ZNF814: variants seen among roughly 807,000 people sequenced by gnomAD.
The protein encoded by ZNF814 is zinc finger protein 814.
In ZNF814, 5 loss-of-function variants were observed where a neutral mutation model predicts 7.5. That is an observed-to-expected ratio of 0.67 (90% CI 0.35 to 1.40). ZNF814 has a LOEUF of 1.40. Ranked by LOEUF, ZNF814 falls within the 40% of genes most tolerant of loss-of-function variation. The pLI is 0.04. For synonymous variants in ZNF814, 315 were observed against 340.7 expected (o/e 0.92, Z 0.83); for missense variants, 962 against 1,018.0 (o/e 0.94, Z 0.75).
chr19:57,880,562 G>A (rs77873062), intron 1 of ZNF814, among the ~76,000 whole-genome samples: 34,396 of 139,704 alleles, frequency 0.25, 2,329 homozygotes, highest in East Asian at 0.36. Context: ...GCAGGATGGC[G>A]GAATAGAAAG....
the ZNF814 span, among the ~76,000 whole-genome samples, chr19:57,896,357 C>T: frequency 6.6e-6 from 1 of 152,150 alleles, no homozygotes; most frequent in East Asian, 1.9e-4. The surrounding 1 kb of genome is among the most constrained non-coding windows in gnomAD (Gnocchi z 4.2). Context: ...ACTTCAGATT[C>T]TGAATGCGAG....
Position 57,888,954 on chromosome 19 carries a change from C to T in ZNF814, c.-152G>A. ...CTCTGTGCAGCGGAGGACAACTGCT[C>T]CCCGACTTCTGGGTTCAGTCACCAC... is the stretch of plus-strand genomic sequence containing the variant. On this transcript the variant is annotated 5_prime_UTR_variant, in exon 1 of 3. Coordinates refer to ENST00000435989, the MANE Select transcript of ZNF814 (RefSeq NM_001144989.2). 1 of 793,348 alleles carries T rather than the reference C, an allele frequency of 1.3e-6. No homozygotes were observed. Among genetic ancestry groups the T allele is most frequent in the Non-Finnish European group, 2.0e-6 (1 of 495,066 alleles). 49.1% of individuals were successfully genotyped at this position (793,348 alleles called of 1,614,324 possible).
chr19:57,897,201 G>A, the ZNF814 span, among the ~76,000 whole-genome samples: 1 of 152,158 alleles, frequency 6.6e-6, no homozygotes, highest in Non-Finnish European at 1.5e-5. Flanking sequence ...CTAATACAGA[G>A]TGTCAAAATG....
At chr19:57,898,520 C>A in the ZNF814 span, among the ~76,000 whole-genome samples, 1 of 152,244 alleles carries the variant, frequency 6.6e-6, no homozygotes, top group African/African-American at 2.4e-5. Flanking sequence ...ACTGCCAAAC[C>A]AGTTTGGGTG....
intron 1 of ZNF814, among the ~76,000 whole-genome samples, chr19:57,888,530 G>C (rs2071711972): frequency 6.6e-6 from 1 of 152,134 alleles, no homozygotes; most frequent in Admixed American, 6.5e-5. Flanking sequence ...GGCACCTGTG[G>C]ACCCCAGATT....
At chr19:57,893,228 C>A (rs1425737786), upstream of ZNF814, among the ~76,000 whole-genome samples, 1 of 144,214 alleles carries the variant, frequency 6.9e-6, no homozygotes, top group Non-Finnish European at 1.5e-5. Context: ...GGCTGGAGTG[C>A]AGTGGTGTGA....
the ZNF814 span, among the ~76,000 whole-genome samples, chr19:57,904,402 A>G: frequency 2.0e-5 from 3 of 151,980 alleles, no homozygotes; most frequent in Non-Finnish European, 2.9e-5. Flanking sequence ...GTCTTGTCTC[A>G]TTCCTTTGAC....
chr19:57,871,976 G>C lies in ZNF814; in HGVS notation c.*846C>G, dbSNP rs955154596. 1.3e-5 allele frequency among the ~76,000 whole-genome samples: 2 copies of C among 152,062 alleles called. No homozygotes were observed. Among genetic ancestry groups the C allele is most frequent in the Non-Finnish European group, 2.9e-5 (2 of 68,010 alleles). On this transcript the variant is annotated 3_prime_UTR_variant, in exon 3 of 3. Coordinates refer to ENST00000435989, the MANE Select transcript of ZNF814 (RefSeq NM_001144989.2). The stretch of plus-strand genomic sequence containing the variant: ...TTAAAAAAATTAGTGGAGCATGGTA[G>C]TGCATGCCTGTGGTTTCAGCTACTC...
intron 1 of ZNF814, among the ~76,000 whole-genome samples, chr19:57,884,489 C>G (rs114919501): frequency 6.6e-6 from 1 of 152,114 alleles, no homozygotes; most frequent in South Asian, 2.1e-4. Flanking sequence ...GTGGCACATG[C>G]CTGTGGTGGT....
At chr19:57,904,699 A>C in the ZNF814 span, among the ~76,000 whole-genome samples, 1 of 152,172 alleles carries the variant, frequency 6.6e-6, no homozygotes, top group Admixed American at 6.5e-5. Context: ...CTAAATCTTA[A>C]GAACTGTAAT....
Position 57,888,850 on chromosome 19 carries a change from A to T in ZNF814, c.-48T>A. 9 of 1,549,520 alleles carry T rather than the reference A, an allele frequency of 5.8e-6. No individual in the cohort carries two copies. Among genetic ancestry groups the T allele is most frequent in the Non-Finnish European group, 7.0e-6 (8 of 1,145,204 alleles). On this transcript the variant is annotated 5_prime_UTR_variant, in exon 1 of 3. Coordinates refer to ENST00000435989, the MANE Select transcript of ZNF814 (RefSeq NM_001144989.2). ...AGTCGGGAGGATAGGGCGACCAGCC[A>T]GGAGATATGGGCACGACGGTCCGTA...
At chr19:57,902,742 G>A in the ZNF814 span, among the ~76,000 whole-genome samples, 2 of 151,326 alleles carry the variant, frequency 1.3e-5, no homozygotes, top group Admixed American at 6.6e-5. Context: ...CCCACTGCAC[G>A]CTCTGCCTCC....
chr19:57,886,660 C>T (rs1353647732), intron 1 of ZNF814, among the ~76,000 whole-genome samples: 3 of 151,972 alleles, frequency 2.0e-5, no homozygotes, highest in Non-Finnish European at 4.4e-5. Flanking sequence ...GAGCGGATTG[C>T]CTGAGCTTGG....
rs2071557533 is a variant in ZNF814 at position 57,871,610 on chromosome 19, G to A, written c.*1212C>T. 1 of 152,070 alleles carries A rather than the reference G, an allele frequency of 6.6e-6. No homozygotes were observed. The allele number at this position is 152,070 out of a possible 1,614,324, so 9.4% of individuals were successfully genotyped here. Reference sequence around the variant, plus strand: ...TCTTAGGATCATGACTTGGAGGGTAGAAAATTTGTCAAGATTGATGTGATA... The same window carrying A: ...TCTTAGGATCATGACTTGGAGGGTAAAAAATTTGTCAAGATTGATGTGATA... On this transcript the variant is annotated 3_prime_UTR_variant, in exon 3 of 3. Coordinates refer to ENST00000435989, the MANE Select transcript of ZNF814 (RefSeq NM_001144989.2).
chr19:57,873,997 T>C lies in ZNF814; in HGVS notation c.1393A>G (p.Lys465Glu). ...QRVHAGERPFKCGECVKSFSH... is the reference protein window; with the variant it reads ...QRVHAGERPFECGECVKSFSH... ...AAAGATTTCACACATTCTCCACACT[T>C]GAAAGGTCTTTCTCCGGCGTGAACT... The change falls in exon 3 of 3, where the codon AAG becomes GAG. Residue 465 changes from lysine to glutamate, a missense_variant. Lys to Glu is a moderately conservative substitution (Grantham distance 56, BLOSUM62 1). Around this residue, in one of 7 missense-constraint regions of ZNF814, gnomAD observed 665 missense variants for 551.4 expected, o/e 1.21. Transcript: ENST00000435989. 6.2e-7 allele frequency: 1 copy of C among 1,613,506 alleles called. No homozygotes were observed. The highest frequency in any genetic ancestry group is 1.1e-5 in the South Asian group (1 of 91,040).
upstream of ZNF814, among the ~76,000 whole-genome samples, chr19:57,892,594 G>C (rs1468248806): frequency 6.6e-6 from 1 of 152,196 alleles, no homozygotes; most frequent in African/African-American, 2.4e-5. Context: ...ATGGCTATGG[G>C]TGACAGGACT....
chr19:57,887,221 A>T (rs375433845), intron 1 of ZNF814, among the ~76,000 whole-genome samples: 2 of 152,194 alleles, frequency 1.3e-5, no homozygotes, highest in Non-Finnish European at 2.9e-5. Context: ...AATAAAGACT[A>T]CATCTAACCA....
At chr19:57,891,104 G>C (rs1411233615), upstream of ZNF814, among the ~76,000 whole-genome samples, 1 of 152,084 alleles carries the variant, frequency 6.6e-6, no homozygotes, top group Non-Finnish European at 1.5e-5. Flanking sequence ...GTGACCTCTG[G>C]TCGTCCTCAC....
the ZNF814 span, among the ~76,000 whole-genome samples, chr19:57,897,347 T>G: frequency 6.6e-6 from 1 of 152,126 alleles, no homozygotes; most frequent in Non-Finnish European, 1.5e-5. Flanking sequence ...ATACGCCCCA[T>G]TTTTCAGGCT....
Sources: allele counts gnomAD v4.1 joint callset (sites outside exome capture counted in the v4.1 genomes callset), GRCh38; gene constraint gnomAD v4.1.1; regional missense constraint gnomAD v4.1.1; non-coding constraint Gnocchi (gnomAD v3.1); transcripts MANE v1.5; gene names NCBI Gene and HGNC (gene_info 2026-07-23, HGNC 2026-07-21).